UBE2E2: variants seen among roughly 807,000 people sequenced by gnomAD.
UBE2E2 encodes the protein ubiquitin conjugating enzyme E2 E2, also known as ubiquitin-conjugating enzyme E2 E2.
Under a neutral mutation model 24.7 loss-of-function variants are expected in UBE2E2, and 6 were observed. The observed-to-expected ratio is 0.24, with a 90% CI of 0.13 to 0.48. UBE2E2 has a LOEUF of 0.48. Ranked by LOEUF, UBE2E2 falls within the 20% of genes least tolerant of loss-of-function variation. The pLI, the probability that UBE2E2 is intolerant of heterozygous loss-of-function variation, is 0.99. For synonymous variants in UBE2E2, 104 were observed against 83.6 expected (o/e 1.24, Z -1.33); for missense variants, 169 against 245.0 (o/e 0.69, Z 2.07).
At chr3:23,250,444 T>C (rs12634773) in intron 3 of UBE2E2, among the ~76,000 whole-genome samples, 92,927 of 152,008 alleles carry the variant, frequency 0.61, 29,023 homozygotes, top group South Asian at 0.69. Flanking sequence ...ATTGGAAAAA[T>C]GGTGGCATGA....
chr3:23,551,550 A>G (rs1047229359), intron 5 of UBE2E2, among the ~76,000 whole-genome samples: 1 of 152,224 alleles, frequency 6.6e-6, no homozygotes, highest in African/African-American at 2.4e-5. Context: ...GCCATTTACA[A>G]TCTAAAGAAA....
chr3:23,241,568 T>A (rs1248806890), intron 3 of UBE2E2, among the ~76,000 whole-genome samples: 1 of 152,106 alleles, frequency 6.6e-6, no homozygotes, highest in African/African-American at 2.4e-5. Context: ...TTAGGGTCTC[T>A]GCACTGGCTA....
intron 3 of UBE2E2, among the ~76,000 whole-genome samples, chr3:23,265,838 G>A (rs1698033534): frequency 6.6e-6 from 1 of 152,104 alleles, no homozygotes; most frequent in South Asian, 2.1e-4. Flanking sequence ...TCCTGTGTTG[G>A]GTGCATATAT....
At chr3:23,581,758 G>C (rs866080155) in intron 5 of UBE2E2, among the ~76,000 whole-genome samples, 7 of 152,106 alleles carry the variant, frequency 4.6e-5, no homozygotes, top group South Asian at 4.1e-4. Flanking sequence ...AAAATTTTTC[G>C]TGTAATTTCT....
chr3:23,519,415 A>G (rs1694811333), intron 4 of UBE2E2, among the ~76,000 whole-genome samples: 1 of 152,170 alleles, frequency 6.6e-6, no homozygotes. Flanking sequence ...TTTTTCAAGT[A>G]TGCTTCCTGA....
intron 4 of UBE2E2, among the ~76,000 whole-genome samples, chr3:23,509,163 A>G (rs760698091): frequency 2.0e-5 from 3 of 152,200 alleles, no homozygotes; most frequent in Non-Finnish European, 2.9e-5. Context: ...AGGACAATAA[A>G]ATGATACTGG....
At position 23,249,991 on chromosome 3, in the gene UBE2E2, T is replaced by C. The variant is rs542678727; in HGVS notation, c.227+32679T>C. Among the ~76,000 whole-genome samples the C allele has an allele frequency of 3.3e-5, 5 of 152,314 alleles. No individual in the cohort carries two copies. The South Asian group carries it at 6.2e-4, about 19-fold the overall frequency. On this transcript the variant is annotated intron_variant, in intron 3 of 5. Transcript: ENST00000396703. ...TTAAGAATACATATTCTTGAATGATTGCAGAGTAGGTGGTAAGTTATATGC... is the reference window on the plus strand; with the variant it reads ...TTAAGAATACATATTCTTGAATGATCGCAGAGTAGGTGGTAAGTTATATGC...
At chr3:23,297,413 G>A (rs1698943217) in intron 3 of UBE2E2, among the ~76,000 whole-genome samples, 1 of 151,874 alleles carries the variant, frequency 6.6e-6, no homozygotes, top group Non-Finnish European at 1.5e-5. Context: ...GTATTGCCTA[G>A]CTTTTCCTCT....
At position 23,203,380 on chromosome 3, in the gene UBE2E2, C is replaced by T. The variant is rs531728563; in HGVS notation, c.-93C>T. 17 of 985,906 alleles carry T rather than the reference C, an allele frequency of 1.7e-5. No individual in the cohort carries two copies. The African/African-American group carries it at 2.4e-4, about 14-fold the overall frequency. The allele number at this position is 985,906 out of a possible 1,614,324, so 61.1% of individuals were successfully genotyped here. On this transcript the variant is annotated 5_prime_UTR_variant, in exon 1 of 6. Coordinates refer to ENST00000396703, the MANE Select transcript of UBE2E2 (RefSeq NM_152653.4). ...GGACATCCCGTCCCTGGGGCCTCCC[C>T]AGTCTCCCTCCCCCTCGCGCCTGGG...
intron 2 of UBE2E2, among the ~76,000 whole-genome samples, chr3:23,215,448 C>G (rs778242177): frequency 1.3e-5 from 2 of 152,078 alleles, no homozygotes; most frequent in Non-Finnish European, 2.9e-5. Context: ...CTTTCTCTCC[C>G]CACCTCACCC....
chr3:23,402,117 G>A (rs532465574), intron 3 of UBE2E2, among the ~76,000 whole-genome samples: 42 of 152,070 alleles, frequency 2.8e-4, no homozygotes, highest in African/African-American at 1.0e-3. Context: ...GCCTCCCAAA[G>A]TGCTGGGATT....
chr3:23,353,581 A>T (rs1695832131), intron 3 of UBE2E2, among the ~76,000 whole-genome samples: 1 of 152,222 alleles, frequency 6.6e-6, no homozygotes, highest in Non-Finnish European at 1.5e-5. Flanking sequence ...AAGCATTCTT[A>T]TACACCAATA....
Position 23,298,206 on chromosome 3 carries a change from C to T in UBE2E2, c.227+80894C>T, listed in dbSNP as rs546260277. Among the ~76,000 whole-genome samples the T allele has an allele frequency of 1.7e-3, 265 of 152,286 alleles. 2 individuals are homozygous for T. Among genetic ancestry groups the T allele is most frequent in the African/African-American group, 6.0e-3 (249 of 41,560 alleles). ...TTTTGGGCTGAGACAGCGGGATTTTCTAGATATACAATCATGTCGTCTGCA... is the reference window on the plus strand; with the variant it reads ...TTTTGGGCTGAGACAGCGGGATTTTTTAGATATACAATCATGTCGTCTGCA... On this transcript the variant is annotated intron_variant, in intron 3 of 5. Coordinates refer to ENST00000396703, the MANE Select transcript of UBE2E2 (RefSeq NM_152653.4).
At chr3:23,298,099 G>A (rs1698962744) in intron 3 of UBE2E2, among the ~76,000 whole-genome samples, 1 of 152,010 alleles carries the variant, frequency 6.6e-6, no homozygotes, top group Non-Finnish European at 1.5e-5. Context: ...GTCTCTTATT[G>A]CTGTATAAGA....
chr3:23,295,632 G>A (rs770915796), intron 3 of UBE2E2, among the ~76,000 whole-genome samples: 2 of 152,184 alleles, frequency 1.3e-5, no homozygotes, highest in Non-Finnish European at 2.9e-5. Context: ...AATATCGGTG[G>A]CTAGTGGAAG....
chr3:23,552,478 G>A (rs1695668852), intron 5 of UBE2E2, among the ~76,000 whole-genome samples: 1 of 152,140 alleles, frequency 6.6e-6, no homozygotes, highest in Admixed American at 6.5e-5. Flanking sequence ...TAAACTAATG[G>A]GTTGCTTTTC....
chr3:23,203,241 G>GGCGGCA (rs1364420371), upstream of UBE2E2: 1 of 988,252 alleles, frequency 1.0e-6, no homozygotes, highest in African/African-American at 1.7e-5. Flanking sequence ...GGCCGGGGGC[G>GGCGGCA]GCGGCAGCGG....
intron 1 of UBE2E2, chr3:23,204,769 T>A: frequency 1.0e-6 from 1 of 983,710 alleles, no homozygotes; most frequent in African/African-American, 1.7e-5. Context: ...TGGATATTGC[T>A]GTGTGCATAT....
At chr3:23,467,336 T>C (rs1053197023) in intron 3 of UBE2E2, among the ~76,000 whole-genome samples, 1 of 152,216 alleles carries the variant, frequency 6.6e-6, no homozygotes, top group Non-Finnish European at 1.5e-5. Flanking sequence ...ATTCGTGCTT[T>C]GGGAAAGTTT....
Sources: gnomAD v4.1 joint callset for allele counts (sites outside exome capture counted in the v4.1 genomes callset) on GRCh38, gnomAD v4.1.1 for gene constraint, MANE v1.5 for transcripts, NCBI Gene and HGNC (gene_info 2026-07-23, HGNC 2026-07-21) for gene names.